Variants in GRIP2 observed in about 807,000 individuals in gnomAD.
GRIP2 encodes the protein glutamate receptor interacting protein 2.
In GRIP2, 58 loss-of-function variants were observed where a neutral mutation model predicts 108.3. The observed-to-expected ratio is 0.54, with a 90% CI of 0.43 to 0.67. The LOEUF is 0.67. Ranked by LOEUF, GRIP2 falls within the 30% of genes least tolerant of loss-of-function variation. The probability of loss-of-function intolerance (pLI) is 0.00; values close to 1 mark genes in which losing one functional copy is unlikely to be tolerated. For missense variants in GRIP2, 1,278 were observed against 1,430.6 expected, an observed-to-expected ratio of 0.89 and a Z score of 1.72; for synonymous variants, 586 against 598.2, an observed-to-expected ratio of 0.98 and a Z score of 0.30.
Position 14,505,556 on chromosome 3 carries a change from G to A in GRIP2, c.2573+59C>T, listed in dbSNP as rs572550151. The A allele has an allele frequency of 2.6e-4, 403 of 1,548,752 alleles. 4 individuals are homozygous for A. The African/African-American group carries it at 4.9e-3, about 19-fold the overall frequency. ...CCACCACTTTGGCACAGGCACCCTC[G>A]CCCACCCCAGCCAAGACACTGTGAC... On this transcript the variant is annotated intron_variant, in intron 20 of 23. Transcript: ENST00000621039. This position sits in a 1 kb window ranked among gnomAD's most constrained non-coding sequence, Gnocchi z 4.2.
intron 1 of GRIP2, among the ~76,000 whole-genome samples, chr3:14,539,694 C>G (rs1408384740): frequency 6.6e-6 from 1 of 152,202 alleles, no homozygotes; most frequent in Non-Finnish European, 1.5e-5. Context: ...TGCCCCTCCC[C>G]TGGGTCCCAG....
chr3:14,511,538 G>T lies in GRIP2; in HGVS notation c.1721-59C>A. The T allele has an allele frequency of 3.3e-6, 5 of 1,532,376 alleles. No homozygotes were observed. The highest frequency in any genetic ancestry group is 4.5e-6 in the Non-Finnish European group (5 of 1,113,092). The allele number at this position is 1,532,376 out of a possible 1,614,324, so 94.9% of individuals were successfully genotyped here. A position where few individuals can be genotyped will look rare whatever the true frequency, so the allele number is the denominator to read the frequency against. The stretch of plus-strand genomic sequence containing the variant: ...TGGCCTCAGCCTGGGGTGGGGTGGC[G>T]AAGCCCAGGGGTCTGAGTGTGGACT... On this transcript the variant is annotated intron_variant, in intron 14 of 23. Coordinates refer to ENST00000621039, the MANE Select transcript of GRIP2 (RefSeq NM_001080423.4). This position sits in a 1 kb window ranked among gnomAD's most constrained non-coding sequence, Gnocchi z 4.1.
intron 16 of GRIP2, among the ~76,000 whole-genome samples, 188 bp from the exon 17 acceptor site, chr3:14,510,152 A>G (rs1407203265): frequency 6.6e-6 from 1 of 152,176 alleles, no homozygotes; most frequent in Non-Finnish European, 1.5e-5. Context: ...TAAAGAAAAG[A>G]AACATCACAC....
In GRIP2 at chr3:14,489,271, A is replaced by T. The variant is rs969377622; in HGVS notation, c.*4394T>A. The T allele has an allele frequency of 6.6e-6, 1 of 152,530 alleles. No individual in the cohort carries two copies. Among genetic ancestry groups the T allele is most frequent in the Non-Finnish European group, 1.5e-5 (1 of 68,016 alleles). 9.4% of individuals were successfully genotyped at this position (152,530 alleles called of 1,614,324 possible). ...AGATAAATATGTATATCAATATTTT[A>T]AATTCATCTTTGCTTTTTTTAGAGG... On this transcript the variant is annotated 3_prime_UTR_variant, in exon 24 of 24. Transcript: ENST00000621039.
chr3:14,592,368 C>G, the GRIP2 span, among the ~76,000 whole-genome samples: 79 of 152,362 alleles, frequency 5.2e-4, no homozygotes, highest in African/African-American at 1.8e-3. Context: ...GAGGCCGAGT[C>G]TCCTGCCAGC....
At chr3:14,533,985 G>A (rs1244452456) in intron 1 of GRIP2, among the ~76,000 whole-genome samples, 1 of 152,232 alleles carries the variant, frequency 6.6e-6, no homozygotes, top group Non-Finnish European at 1.5e-5. Context: ...CTCAGGGTGT[G>A]CCCTTGGTGG....
At chr3:14,587,318 T>C in the GRIP2 span, among the ~76,000 whole-genome samples, 1 of 152,140 alleles carries the variant, frequency 6.6e-6, no homozygotes, top group Non-Finnish European at 1.5e-5. Flanking sequence ...GGAGGAACCA[T>C]GAAACTGGCC....
At chr3:14,585,904 C>T in the GRIP2 span, among the ~76,000 whole-genome samples, 7 of 151,622 alleles carry the variant, frequency 4.6e-5, no homozygotes, top group African/African-American at 1.5e-4. Flanking sequence ...AAATCAGGTC[C>T]CACATCAGCC....
the GRIP2 span, among the ~76,000 whole-genome samples, chr3:14,585,452 T>C: frequency 6.6e-6 from 1 of 152,226 alleles, no homozygotes; most frequent in African/African-American, 2.4e-5. Flanking sequence ...AATTGGCCCA[T>C]TTCACACGTA....
At position 14,517,831 on chromosome 3, in the gene GRIP2, C is replaced by T. The variant is rs560564359; in HGVS notation, c.1097G>A (p.Arg366Gln). The T allele has an allele frequency of 3.0e-5, 48 of 1,604,994 alleles. No homozygotes were observed. The highest frequency in any genetic ancestry group is 2.7e-4 in the East Asian group (12 of 44,498). Residue 366 changes from arginine (R) to glutamine (Q), a missense_variant, in exon 10 of 24, where the codon CGG becomes CAG. By Grantham distance (43) the Arg-to-Gln change is conservative. Coordinates refer to ENST00000621039, the MANE Select transcript of GRIP2 (RefSeq NM_001080423.4). ...DPCVPSCHSP[R>Q]PGHCRMPTWA... ...GGTGGGCATCCTGCAGTGGCCGGGCCGGGGGCTGTGGCAGGAGGGCACGCA... is the reference window on the plus strand; with the variant it reads ...GGTGGGCATCCTGCAGTGGCCGGGCTGGGGGCTGTGGCAGGAGGGCACGCA...
Position 14,507,506 on chromosome 3 carries a change from G to A in GRIP2, c.2218+55C>T. The A allele has an allele frequency of 6.3e-7, 1 of 1,597,316 alleles. No individual in the cohort carries two copies. The highest frequency in any genetic ancestry group is 8.6e-7 in the Non-Finnish European group (1 of 1,166,430). On this transcript the variant is annotated intron_variant, in intron 18 of 23. Transcript: ENST00000621039. The surrounding 1 kb of genome is among the most constrained non-coding windows in gnomAD (Gnocchi z 4.6). ...TGTGCAGGCAAAGCCTGGCACAGAG[G>A]GATTGCCCTTCCTAAACCTGCTGGG...
chr3:14,513,948 T>C, intron 12 of GRIP2, 138 bp from the exon 13 acceptor site: 2 of 1,058,710 alleles, frequency 1.9e-6, no homozygotes, highest in South Asian at 1.6e-5. Context: ...CTGGCCCACC[T>C]GTGTATCCTC....
At chr3:14,540,525 T>A, upstream of GRIP2, 1 of 1,076,972 alleles carries the variant, frequency 9.3e-7, no homozygotes, top group Non-Finnish European at 1.3e-6. The surrounding 1 kb of genome is among the most constrained non-coding windows in gnomAD (Gnocchi z 4.1). Flanking sequence ...GCCCCACCCC[T>A]GCAGCCTGGG....
chr3:14,523,727 TC>T, intron 4 of GRIP2, 29 bp from the exon 5 acceptor site: 1 of 1,502,214 alleles, frequency 6.7e-7, no homozygotes, highest in Non-Finnish European at 9.2e-7. Flanking sequence ...CTCCTTTGAG[TC>T]CCTCAGTCGC....
At chr3:14,530,611 G>C (rs996042028) in intron 1 of GRIP2, among the ~76,000 whole-genome samples, 1 of 152,182 alleles carries the variant, frequency 6.6e-6, no homozygotes, top group Non-Finnish European at 1.5e-5. Context: ...GGCATTTAAA[G>C]TGTGTTAAAG....
At chr3:14,580,640 C>T in the GRIP2 span, among the ~76,000 whole-genome samples, 1 of 152,164 alleles carries the variant, frequency 6.6e-6, no homozygotes, top group Non-Finnish European at 1.5e-5. Context: ...CTGCAGTGAG[C>T]TGAGATCGCA....
At chr3:14,594,942 G>A in the GRIP2 span, among the ~76,000 whole-genome samples, 1 of 152,158 alleles carries the variant, frequency 6.6e-6, no homozygotes, top group African/African-American at 2.4e-5. Flanking sequence ...TGTCACCCAG[G>A]CCAAAGCACA....
chr3:14,536,801 G>C (rs1694846024), intron 1 of GRIP2, among the ~76,000 whole-genome samples: 1 of 152,192 alleles, frequency 6.6e-6, no homozygotes, highest in African/African-American at 2.4e-5. Context: ...TTTCCCAATG[G>C]CGGCTGCCTG....
At chr3:14,503,033 T>C (rs1215762868) in intron 21 of GRIP2, among the ~76,000 whole-genome samples, 2 of 152,258 alleles carry the variant, frequency 1.3e-5, no homozygotes, top group African/African-American at 4.8e-5. Context: ...CAGTTTGTTC[T>C]ATTCACTGAG....
Sources: gnomAD v4.1 joint callset for allele counts (sites outside exome capture counted in the v4.1 genomes callset) on GRCh38, gnomAD v4.1.1 for gene constraint, Gnocchi (gnomAD v3.1) non-coding constraint, MANE v1.5 for transcripts, NCBI Gene and HGNC (gene_info 2026-07-23, HGNC 2026-07-21) for gene names.